Variants in WDR47 observed in about 807,000 individuals in gnomAD.
The protein encoded by WDR47 is WD repeat domain 47, also known as WD repeat-containing protein 47.
In WDR47, 32 loss-of-function variants were observed where a neutral mutation model predicts 97.2. That is an observed-to-expected ratio of 0.33 (90% confidence interval 0.25 to 0.44). WDR47 has a LOEUF of 0.44. Ranked by LOEUF, WDR47 falls within the 20% of genes least tolerant of loss-of-function variation. WDR47 has a pLI of 1.00. For missense variants in WDR47, 782 were observed against 1,102.3 expected (o/e 0.71, Z 4.11); for synonymous variants, 375 against 373.5 (o/e 1.00, Z -0.05).
chr1:108,996,859 TG>T (rs1659787909), intron 7 of WDR47, among the ~76,000 whole-genome samples: 1 of 152,226 alleles, frequency 6.6e-6, no homozygotes, highest in African/African-American at 2.4e-5. Flanking sequence ...GACTCATACC[TG>T]TAATCCCAGC....
intron 5 of WDR47, among the ~76,000 whole-genome samples, chr1:109,004,981 G>A (rs12731105): frequency 0.87 from 132,439 of 151,992 alleles, 58,054 homozygotes; most frequent in East Asian, 1. Context: ...TAGTAGAGAC[G>A]GAGTTTCACC....
At chr1:108,984,665 G>T (rs888778977) in intron 10 of WDR47, among the ~76,000 whole-genome samples, 2 of 152,146 alleles carry the variant, frequency 1.3e-5, no homozygotes, top group African/African-American at 4.8e-5. Context: ...GGATCAAGAG[G>T]TCAGGAAATC....
At chr1:109,023,623 T>A in intron 1 of WDR47, 102 bp from the exon 2 acceptor site, 1 of 1,184,836 alleles carries the variant, frequency 8.4e-7, no homozygotes, top group Non-Finnish European at 1.2e-6. Flanking sequence ...GAATCTTTAG[T>A]ACACATATTC....
intron 1 of WDR47, among the ~76,000 whole-genome samples, chr1:109,038,402 G>A (rs1294919777): frequency 6.6e-6 from 1 of 152,206 alleles, no homozygotes; most frequent in Non-Finnish European, 1.5e-5. Context: ...TATCGAGCCA[G>A]GTGCAGTGGC....
chr1:109,037,855 ATCTT>A (rs1213487371), intron 1 of WDR47, among the ~76,000 whole-genome samples: 1 of 151,678 alleles, frequency 6.6e-6, no homozygotes, highest in Non-Finnish European at 1.5e-5. Context: ...ATTTTTTTCT[ATCTT>A]TCTTTCTTTC....
At chr1:108,976,398 G>A (rs1451254398) in intron 13 of WDR47, among the ~76,000 whole-genome samples, 1 of 151,008 alleles carries the variant, frequency 6.6e-6, no homozygotes, top group African/African-American at 2.4e-5. Flanking sequence ...AAGGAAGGTG[G>A]GAAGAATAAC....
At chr1:108,989,836 A>C (rs371334893) in intron 9 of WDR47, among the ~76,000 whole-genome samples, 90 of 152,128 alleles carry the variant, frequency 5.9e-4, no homozygotes, top group Middle Eastern at 3.4e-3. Flanking sequence ...CTGGGATTAC[A>C]GGCACCCGCC....
intron 5 of WDR47, among the ~76,000 whole-genome samples, chr1:109,006,515 A>G (rs1343146900): frequency 1.3e-5 from 2 of 152,366 alleles, no homozygotes; most frequent in South Asian, 4.1e-4. Context: ...CTGTATAAAG[A>G]ATAAAATAAC....
chr1:109,034,147 G>A (rs1324337190), intron 1 of WDR47, among the ~76,000 whole-genome samples: 1 of 151,122 alleles, frequency 6.6e-6, no homozygotes. Flanking sequence ...AATTAGCCAG[G>A]CGTCGTGGCA....
intron 12 of WDR47, among the ~76,000 whole-genome samples, chr1:108,982,278 A>ATCC (rs965580586): frequency 6.6e-6 from 1 of 152,150 alleles, no homozygotes; most frequent in African/African-American, 2.4e-5. Context: ...CATGCCTGTA[A>ATCC]TCCCAACACT....
At chr1:108,972,558 C>T (rs1393273716) in intron 14 of WDR47, among the ~76,000 whole-genome samples, 1 of 152,148 alleles carries the variant, frequency 6.6e-6, no homozygotes, top group Non-Finnish European at 1.5e-5. Context: ...GCAGGCTATG[C>T]ATGTGTGAGT....
chr1:108,972,670 G>A (rs569564375), intron 14 of WDR47, among the ~76,000 whole-genome samples: 12 of 152,250 alleles, frequency 7.9e-5, no homozygotes, highest in East Asian at 5.8e-4. Context: ...GGCCGGGCGC[G>A]GTGGCTCACG....
intron 1 of WDR47, among the ~76,000 whole-genome samples, chr1:109,026,912 A>G (rs994226946): frequency 2.6e-5 from 4 of 152,286 alleles, no homozygotes; most frequent in African/African-American, 9.6e-5. Flanking sequence ...TTTTATACTG[A>G]CAGTTGAAGG....
intron 13 of WDR47, among the ~76,000 whole-genome samples, chr1:108,981,286 G>A (rs1658326288): frequency 6.6e-6 from 1 of 151,978 alleles, no homozygotes; most frequent in Admixed American, 6.6e-5. Flanking sequence ...ACAGGAGAAG[G>A]GAGATTAGGG....
intron 1 of WDR47, among the ~76,000 whole-genome samples, chr1:109,031,799 T>C (rs28396184): frequency 0.1 from 11,861 of 116,386 alleles, 1,389 homozygotes; most frequent in African/African-American, 0.14. Flanking sequence ...TTCTTTCTTT[T>C]TTTTTTTTTT....
intron 1 of WDR47, among the ~76,000 whole-genome samples, chr1:109,034,747 G>A (rs1424907672): frequency 6.6e-6 from 1 of 152,160 alleles, no homozygotes; most frequent in Non-Finnish European, 1.5e-5. Flanking sequence ...TTTCTTCTAG[G>A]AAGACAGTAA....
At chr1:108,982,823 T>A (rs749329637) in intron 11 of WDR47, 44 bp from the exon 12 acceptor site, 1 of 1,557,306 alleles carries the variant, frequency 6.4e-7, no homozygotes, top group Admixed American at 2.0e-5. Flanking sequence ...GCTGCTCAAC[T>A]TACTGTGATA....
intron 13 of WDR47, among the ~76,000 whole-genome samples, chr1:108,978,731 G>T (rs1211895431): frequency 1.3e-5 from 2 of 152,154 alleles, no homozygotes; most frequent in Non-Finnish European, 2.9e-5. Flanking sequence ...ATAGCAGAAA[G>T]CCCAAAAGAA....
chr1:109,015,266 T>G (rs969898984), intron 3 of WDR47, among the ~76,000 whole-genome samples: 2 of 152,216 alleles, frequency 1.3e-5, no homozygotes, highest in Non-Finnish European at 2.9e-5. Flanking sequence ...TTTCTGCATA[T>G]AACAACAATA....
Sources: gnomAD v4.1 joint callset for allele counts (sites outside exome capture counted in the v4.1 genomes callset) on GRCh38, gnomAD v4.1.1 for gene constraint, MANE v1.5 for transcripts, NCBI Gene and HGNC (gene_info 2026-07-23, HGNC 2026-07-21) for gene names.